Variants in OR51B5 observed in about 807,000 individuals in gnomAD.
The protein encoded by OR51B5 is olfactory receptor family 51 subfamily B member 5.
For synonymous variants in OR51B5, 186 were observed against 144.8 expected (o/e 1.28, Z -2.04); for missense variants, 456 against 374.6 (o/e 1.22, Z -1.79).
intron 1 of OR51B5, among the ~76,000 whole-genome samples, chr11:5,352,759 CACACATACATATACACACACAG>C (rs1184070802): frequency 2.1e-5 from 3 of 145,498 alleles, no homozygotes; most frequent in Non-Finnish European, 4.5e-5. Context: ...TACATACTTA[CACACATACATATACACACACAG>C]ATACATACCC....
At chr11:5,387,368 T>C (rs1849711349) in intron 1 of OR51B5, among the ~76,000 whole-genome samples, 1 of 152,202 alleles carries the variant, frequency 6.6e-6, no homozygotes, top group Non-Finnish European at 1.5e-5. Context: ...AGCATTGCTT[T>C]AGCTAAGTGG....
intron 1 of OR51B5, chr11:5,362,789 C>A (rs1849305054): frequency 4.5e-6 from 1 of 224,700 alleles, no homozygotes; most frequent in Non-Finnish European, 9.2e-6. Context: ...CCTTGGTGGC[C>A]TCACTCTTCA....
chr11:5,500,435 G>T (rs910207682), intron 1 of OR51B5, among the ~76,000 whole-genome samples: 1 of 121,188 alleles, frequency 8.3e-6, no homozygotes, highest in African/African-American at 2.6e-5. Flanking sequence ...TGTGAAAACT[G>T]TCGGTACCAA....
At position 5,493,641 on chromosome 11, in the gene OR51B5, T is replaced by C. The variant is rs539220144; in HGVS notation, n.84+11928A>G. ...AACTGTAAAAGCAGAAAATAGTAAGTCTCCAAAGAACTGTGTTGACCACTC... is the reference window on the plus strand; with the variant it reads ...AACTGTAAAAGCAGAAAATAGTAAGCCTCCAAAGAACTGTGTTGACCACTC... On this transcript the variant is annotated intron_variant and non_coding_transcript_variant, in intron 1 of 4. Transcript: ENST00000415970. Among the ~76,000 whole-genome samples, 3 of 152,220 alleles carry C rather than the reference T, an allele frequency of 2.0e-5. No individual in the cohort carries two copies. The Middle Eastern group carries it at 0.01, about 518-fold the overall frequency.
intron 1 of OR51B5, chr11:5,456,343 G>C (rs1340648770): frequency 6.6e-6 from 1 of 152,056 alleles, no homozygotes; most frequent in Admixed American, 6.5e-5. Context: ...AATGGAAAAT[G>C]CACATTTATA....
intron 1 of OR51B5, chr11:5,454,182 G>A (rs992348383): frequency 2.0e-5 from 33 of 1,609,840 alleles, no homozygotes; most frequent in Non-Finnish European, 2.7e-5. Flanking sequence ...TGCTTCCCGT[G>A]AGGAACGCCT....
intron 1 of OR51B5, among the ~76,000 whole-genome samples, chr11:5,359,209 G>C (rs1308674710): frequency 6.6e-6 from 1 of 150,802 alleles, no homozygotes; most frequent in Non-Finnish European, 1.5e-5. Context: ...AATTGTCCCT[G>C]TTTGCAGATG....
At chr11:5,418,516 T>G (rs894046685) in intron 1 of OR51B5, among the ~76,000 whole-genome samples, 3 of 152,080 alleles carry the variant, frequency 2.0e-5, no homozygotes, top group African/African-American at 7.2e-5. Context: ...TAAGAAAATG[T>G]GGCACATATA....
intron 1 of OR51B5, among the ~76,000 whole-genome samples, chr11:5,408,451 G>GA (rs1339343460): frequency 6.8e-6 from 1 of 146,484 alleles, no homozygotes; most frequent in African/African-American, 2.5e-5. Context: ...ATATAATTTG[G>GA]AAAAAATACA....
At chr11:5,493,846 G>A (rs1160489685) in intron 1 of OR51B5, among the ~76,000 whole-genome samples, 1 of 152,182 alleles carries the variant, frequency 6.6e-6, no homozygotes, top group East Asian at 1.9e-4. Flanking sequence ...GACACCTCCA[G>A]AAGATGATGT....
chr11:5,374,823 T>C (rs1849498659), intron 1 of OR51B5, among the ~76,000 whole-genome samples: 1 of 152,070 alleles, frequency 6.6e-6, no homozygotes, highest in African/African-American at 2.4e-5. Flanking sequence ...CCAAGAAATA[T>C]GGGACTATGT....
intron 1 of OR51B5, chr11:5,488,556 A>G: frequency 1.6e-6 from 1 of 610,684 alleles, no homozygotes; most frequent in Non-Finnish European, 2.9e-6. Context: ...GTCATTTCAG[A>G]TGTTTGTACA....
intron 1 of OR51B5, among the ~76,000 whole-genome samples, chr11:5,373,994 C>G (rs1291319778): frequency 6.6e-6 from 1 of 152,214 alleles, no homozygotes; most frequent in African/African-American, 2.4e-5. Context: ...TCCCAGCACA[C>G]AGCTGGAGAT....
In OR51B5 at chr11:5,343,182, C is replaced by A. The variant is rs1848928244; in HGVS notation, c.343G>T (p.Ala115Ser). Residue 115 changes from alanine (A) to serine (S), a missense_variant, in exon 1 of 1, where the codon GCC (alanine) becomes TCC (serine). Physicochemically the swap from Ala to Ser is moderately conservative, Grantham distance 99 (BLOSUM62 1). Transcript: ENST00000300773. ...GCAATAAAACGGTCATAGGCCATGGCAAGCAGAATGCCAGACTCGAGAAAG... is the reference window on the plus strand; with the variant it reads ...GCAATAAAACGGTCATAGGCCATGGAAAGCAGAATGCCAGACTCGAGAAAG... The A allele has an allele frequency of 6.8e-6, 11 of 1,613,644 alleles. No homozygotes were observed. The South Asian group carries it at 1.2e-4, about 18-fold the overall frequency.
intron 1 of OR51B5, among the ~76,000 whole-genome samples, chr11:5,497,581 A>G (rs1215340788): frequency 1.3e-5 from 2 of 152,224 alleles, no homozygotes; most frequent in Non-Finnish European, 2.9e-5. Flanking sequence ...CAAAGAAAAC[A>G]GAGATTAAAA....
chr11:5,453,828 A>G lies in OR51B5; in HGVS notation n.84+51741T>C, dbSNP rs1850899320. The G allele has an allele frequency of 1.9e-6, 3 of 1,614,038 alleles. No homozygotes were observed. Among genetic ancestry groups the G allele is most frequent in the Admixed American group, 1.7e-5 (1 of 60,006 alleles). Reference sequence around the variant, plus strand: ...CTTCTTCTCCATGATGGAATCAGGTATTCTGCTGGCCATGAGTTTTGACCG... The same window carrying G: ...CTTCTTCTCCATGATGGAATCAGGTGTTCTGCTGGCCATGAGTTTTGACCG... On this transcript the variant is annotated intron_variant and non_coding_transcript_variant, in intron 1 of 4. Coordinates refer to the OR51B5 transcript ENST00000415970.
chr11:5,432,433 T>G (rs1276802291), intron 1 of OR51B5, among the ~76,000 whole-genome samples: 4 of 152,336 alleles, frequency 2.6e-5, no homozygotes, highest in Admixed American at 6.5e-5. Flanking sequence ...TTTTATTTTG[T>G]TTTTGTTTGG....
intron 1 of OR51B5, among the ~76,000 whole-genome samples, chr11:5,349,007 C>T (rs956743633): frequency 8.5e-5 from 13 of 152,104 alleles, no homozygotes; most frequent in African/African-American, 2.9e-4. Context: ...TGGGCTCCTG[C>T]TGAGGTGTCT....
rs528975929 is a variant in OR51B5, at chr11:5,465,067, G to A, written n.84+40502C>T. ...TAAAAATACAGAAAATTGTCCGGGC[G>A]TAGTGGCGGGCGCCTGTAGTCCCAG... On this transcript the variant is annotated intron_variant and non_coding_transcript_variant, in intron 1 of 4. Transcript: ENST00000415970. 2.7e-3 allele frequency among the ~76,000 whole-genome samples: 402 copies of A among 151,204 alleles called. 1 individual carries two copies. The highest frequency in any genetic ancestry group is 8.2e-3 in the African/African-American group (341 of 41,384).
Sources: allele counts gnomAD v4.1 joint callset (sites outside exome capture counted in the v4.1 genomes callset), GRCh38; gene constraint gnomAD v4.1.1; transcripts MANE v1.5; gene names NCBI Gene and HGNC (gene_info 2026-07-23, HGNC 2026-07-21).